Variants in MOB3B observed in about 807,000 individuals in gnomAD.
The protein encoded by MOB3B is MOB kinase activator 3B, also known as MOB kinase activator-like 2B.
Under a neutral mutation model 18.7 loss-of-function variants are expected in MOB3B, and 7 were observed. The ratio of observed to expected loss-of-function variants is 0.37; its 90% CI spans 0.21 to 0.70. MOB3B has a LOEUF of 0.70. Among genes scored for constraint, MOB3B ranks in the 30% least tolerant of loss-of-function variants. The pLI, the probability that MOB3B is intolerant of heterozygous loss-of-function variation, is 0.52. For missense variants in MOB3B, 253 were observed against 281.3 expected, an observed-to-expected ratio of 0.90 and a Z score of 0.72; for synonymous variants, 111 against 99.9, an observed-to-expected ratio of 1.11 and a Z score of -0.66.
chr9:27,414,365 C>T lies in MOB3B; in HGVS notation c.418+40768G>A, dbSNP rs1297646245. On this transcript the variant is annotated intron_variant, in intron 2 of 3. Coordinates refer to ENST00000262244, the MANE Select transcript of MOB3B (RefSeq NM_024761.5). ...TGGTGGACACAAGCAGCTGTGAACC[C>T]GGGGGGCTCGTTCATCTGAACCAGA... Among the ~76,000 whole-genome samples, 4 of 152,144 alleles carry T rather than the reference C, an allele frequency of 2.6e-5. No homozygotes were observed. In the East Asian group the frequency reaches 7.7e-4, roughly 29 times the overall value.
chr9:27,327,886 A>T lies in MOB3B; in HGVS notation c.*2701T>A, dbSNP rs1462416011. 6.6e-6 allele frequency: 1 copy of T among 152,180 alleles called. No homozygotes were observed. The highest frequency in any genetic ancestry group is 1.5e-5 in the Non-Finnish European group (1 of 68,042). The allele number at this position is 152,180 out of a possible 1,614,324, so 9.4% of individuals were successfully genotyped here. A position where few individuals can be genotyped will look rare whatever the true frequency, so the allele number is the denominator to read the frequency against. On this transcript the variant is annotated 3_prime_UTR_variant, in exon 4 of 4. Coordinates refer to ENST00000262244, the MANE Select transcript of MOB3B (RefSeq NM_024761.5). ...TATTTTACATTTTCATGATGTCTGC[A>T]ACTTATTTTCAGAAGGTTCAAGAAT...
intron 3 of MOB3B, among the ~76,000 whole-genome samples, chr9:27,358,288 A>G (rs1563849238): frequency 1.3e-5 from 2 of 152,194 alleles, no homozygotes; most frequent in Admixed American, 6.5e-5. Context: ...AGCTTTGATC[A>G]AAGTGTCCAC....
chr9:27,436,984 A>G lies in MOB3B; in HGVS notation c.418+18149T>C, dbSNP rs1822512567. ...GGCTCGGGGAAAGGGAGTAGGGGGA[A>G]GAGCTGGGAGTGGGGGGAAGACCTG... On this transcript the variant is annotated intron_variant, in intron 2 of 3. Coordinates refer to ENST00000262244, the MANE Select transcript of MOB3B (RefSeq NM_024761.5). Among the ~76,000 whole-genome samples, 2 of 85,552 alleles carry G rather than the reference A, an allele frequency of 2.3e-5. 1 individual carries two copies. The highest frequency in any genetic ancestry group is 2.8e-4 in the Admixed American group (2 of 7,106). 56.1% of individuals were successfully genotyped at this position (85,552 alleles called of 152,430 possible).
chr9:27,368,124 G>A (rs1433036621), intron 2 of MOB3B, among the ~76,000 whole-genome samples: 1 of 152,054 alleles, frequency 6.6e-6, no homozygotes, highest in East Asian at 1.9e-4. Flanking sequence ...TGGCAGCGTG[G>A]CTGAGAACAC....
At chr9:27,487,960 A>G (rs1461938155) in intron 1 of MOB3B, among the ~76,000 whole-genome samples, 1 of 152,146 alleles carries the variant, frequency 6.6e-6, no homozygotes, top group Admixed American at 6.6e-5. Context: ...GAGAGAAATA[A>G]CCTATTGGGA....
rs112576239 is a variant in MOB3B at position 27,377,829 on chromosome 9, T to C, written c.419-18593A>G. On this transcript the variant is annotated intron_variant, in intron 2 of 3. Coordinates refer to ENST00000262244, the MANE Select transcript of MOB3B (RefSeq NM_024761.5). ...CATTCTATTTAGGTTTGCCCCAGAG[T>C]AACACTGGCCAACTTTACAGAAGTG... Among the ~76,000 whole-genome samples the C allele has an allele frequency of 4.4e-3, 666 of 152,308 alleles. 3 individuals are homozygous for C. Among genetic ancestry groups the C allele is most frequent in the African/African-American group, 0.015 (640 of 41,568 alleles).
intron 2 of MOB3B, among the ~76,000 whole-genome samples, chr9:27,395,070 G>T (rs1033875573): frequency 4.6e-5 from 7 of 152,216 alleles, no homozygotes; most frequent in African/African-American, 1.7e-4. Flanking sequence ...ATTTAGACAT[G>T]AAATCTGTAC....
intron 1 of MOB3B, among the ~76,000 whole-genome samples, chr9:27,508,665 G>C (rs1199392225): frequency 1.3e-5 from 2 of 152,112 alleles, no homozygotes; most frequent in African/African-American, 4.8e-5. Flanking sequence ...CCTAATAAAT[G>C]CAAGTGGGAA....
intron 1 of MOB3B, among the ~76,000 whole-genome samples, chr9:27,519,355 T>C (rs972218357): frequency 6.6e-6 from 1 of 152,192 alleles, no homozygotes; most frequent in Non-Finnish European, 1.5e-5. Context: ...TATAGATTTT[T>C]AATATCATCT....
At chr9:27,372,797 C>A (rs1489644053) in intron 2 of MOB3B, among the ~76,000 whole-genome samples, 1 of 152,180 alleles carries the variant, frequency 6.6e-6, no homozygotes, top group Non-Finnish European at 1.5e-5. Context: ...AATGTGGTAT[C>A]CTGGATGGAA....
At chr9:27,525,818 T>G (rs1820427999) in intron 1 of MOB3B, among the ~76,000 whole-genome samples, 1 of 152,240 alleles carries the variant, frequency 6.6e-6, no homozygotes, top group African/African-American at 2.4e-5. Context: ...CTACATTCTG[T>G]GAGTTAATTT....
At chr9:27,444,268 G>GA (rs1240803380) in intron 2 of MOB3B, among the ~76,000 whole-genome samples, 1,487 of 125,270 alleles carry the variant, frequency 0.012, 19 homozygotes, top group African/African-American at 0.028. Context: ...AGGAAGGAAG[G>GA]AGGGAGGGAG....
chr9:27,382,927 T>C (rs886804932), intron 2 of MOB3B, among the ~76,000 whole-genome samples: 1 of 152,024 alleles, frequency 6.6e-6, no homozygotes, highest in African/African-American at 2.4e-5. Flanking sequence ...GTTAAAGATA[T>C]GAATGATGAA....
intron 2 of MOB3B, among the ~76,000 whole-genome samples, chr9:27,374,056 A>T (rs910227337): frequency 6.6e-6 from 1 of 152,230 alleles, no homozygotes; most frequent in Admixed American, 6.5e-5. Flanking sequence ...AGCTGTTTCT[A>T]TACGTCACTT....
intron 3 of MOB3B, among the ~76,000 whole-genome samples, chr9:27,340,062 G>A (rs982486847): frequency 5.3e-5 from 8 of 152,202 alleles, no homozygotes; most frequent in African/African-American, 1.9e-4. Flanking sequence ...TGGCAAATAA[G>A]CCAAACGAAA....
rs71492747 is a variant in MOB3B at position 27,483,125 on chromosome 9, C to CTTTTT, written c.-198-27382_-198-27378dup. Among the ~76,000 whole-genome samples the CTTTTT allele has an allele frequency of 1.1e-3, 76 of 68,594 alleles. 1 individual carries two copies. The highest frequency in any genetic ancestry group is 0.021 in the Middle Eastern group (1 of 48). 45.0% of individuals were successfully genotyped at this position (68,594 alleles called of 152,430 possible). On this transcript the variant is annotated intron_variant, in intron 1 of 3. Coordinates refer to ENST00000262244, the MANE Select transcript of MOB3B (RefSeq NM_024761.5). ...AGTAAATGTCTACAAATATACGGTA[C>CTTTTT]TTTTTTTTTTTTTTTTTTTTTTTTT...
At chr9:27,460,131 GGTTA>G (rs947736553) in intron 1 of MOB3B, among the ~76,000 whole-genome samples, 3 of 152,120 alleles carry the variant, frequency 2.0e-5, no homozygotes, top group African/African-American at 7.2e-5. Flanking sequence ...GTAGTTTTGA[GGTTA>G]GTTATTGACT....
At chr9:27,412,951 T>C (rs1283631838) in intron 2 of MOB3B, among the ~76,000 whole-genome samples, 1 of 152,220 alleles carries the variant, frequency 6.6e-6, no homozygotes, top group Non-Finnish European at 1.5e-5. Context: ...GGCTGGACCA[T>C]TCATTTAGAT....
intron 2 of MOB3B, among the ~76,000 whole-genome samples, chr9:27,367,739 A>C (rs1209966241): frequency 2.6e-5 from 4 of 152,214 alleles, no homozygotes; most frequent in Non-Finnish European, 5.9e-5. Context: ...AGGGCAAATG[A>C]AACAGGACAG....
Sources: allele counts gnomAD v4.1 joint callset (sites outside exome capture counted in the v4.1 genomes callset), GRCh38; gene constraint gnomAD v4.1.1; transcripts MANE v1.5; gene names NCBI Gene and HGNC (gene_info 2026-07-23, HGNC 2026-07-21).